The following PDE8B variants were observed in gnomAD, a reference collection of about 807,000 sequenced individuals.
PDE8B encodes the protein high affinity cAMP-specific and IBMX-insensitive 3',5'-cyclic phosphodiesterase 8B.
PDE8B carries 26 observed loss-of-function variants against 101.3 expected under a neutral mutation model. That is an observed-to-expected ratio of 0.26 (90% CI 0.19 to 0.36). The LOEUF (loss-of-function observed/expected upper bound fraction) is 0.36, where lower values mean the gene tolerates loss of function less well. Ranked by LOEUF, PDE8B falls within the 10% of genes least tolerant of loss-of-function variation. The pLI, the probability that PDE8B is intolerant of heterozygous loss-of-function variation, is 1.00. For synonymous variants in PDE8B, 424 were observed against 429.3 expected, an observed-to-expected ratio of 0.99 and a Z score of 0.15; for missense variants, 810 against 1,163.1, an observed-to-expected ratio of 0.70 and a Z score of 4.42.
chr5:77,273,819 TTTTA>T (rs1763289125), intron 1 of PDE8B, among the ~76,000 whole-genome samples: 2 of 151,946 alleles, frequency 1.3e-5, no homozygotes, highest in East Asian at 3.9e-4. Context: ...TTTATTTATT[TTTTA>T]TTTTTTATTT....
chr5:77,379,656 G>A (rs1787063082), intron 10 of PDE8B, among the ~76,000 whole-genome samples: 1 of 152,250 alleles, frequency 6.6e-6, no homozygotes, highest in African/African-American at 2.4e-5. Flanking sequence ...GGGGCCCAGA[G>A]TGTTGCAAGA....
chr5:77,387,127 C>G lies in PDE8B; in HGVS notation c.1168-13121C>G, dbSNP rs572486227. Among the ~76,000 whole-genome samples, 19 of 151,896 alleles carry G rather than the reference C, an allele frequency of 1.3e-4. No homozygotes were observed. The South Asian group carries it at 3.8e-3, about 30-fold the overall frequency. ...CTCGATCTCCTGACCTCATGATCCA[C>G]CCGCCTCGGCCGATGTAGTTTCTTT... On this transcript the variant is annotated intron_variant, in intron 10 of 21. Coordinates refer to ENST00000264917, the MANE Select transcript of PDE8B (RefSeq NM_003719.5).
the PDE8B span, among the ~76,000 whole-genome samples, chr5:77,117,912 C>CTTTTTGT: frequency 6.6e-6 from 1 of 151,558 alleles, no homozygotes; most frequent in Non-Finnish European, 1.5e-5. Flanking sequence ...GGTGGTAGTT[C>CTTTTTGT]TTTTTGTTTT....
chr5:77,134,587 TG>T, the PDE8B span: 1 of 151,864 alleles, frequency 6.6e-6, no homozygotes, highest in African/African-American at 2.4e-5. Flanking sequence ...CAGAAAGAGG[TG>T]AGGCTGCCTG....
At chr5:77,155,022 G>A in the PDE8B span, among the ~76,000 whole-genome samples, 420 of 152,254 alleles carry the variant, frequency 2.8e-3, 4 homozygotes, top group African/African-American at 9.6e-3. Context: ...GGGCATATTT[G>A]CCTCTTGTAA....
chr5:77,423,727 C>T (rs529231224), intron 20 of PDE8B, among the ~76,000 whole-genome samples: 2 of 146,314 alleles, frequency 1.4e-5, no homozygotes, highest in African/African-American at 5.0e-5. Context: ...GCAACCCTCA[C>T]CTCCCAGGCT....
At chr5:77,337,459 C>G in intron 6 of PDE8B, 144 bp downstream of exon 6, 1 of 687,722 alleles carries the variant, frequency 1.5e-6, no homozygotes, top group Non-Finnish European at 2.7e-6. Context: ...AGCTGGCCAA[C>G]AGCAGTATCT....
intron 1 of PDE8B, among the ~76,000 whole-genome samples, chr5:77,235,539 GC>G (rs1754484258): frequency 6.6e-6 from 1 of 152,164 alleles, no homozygotes; most frequent in African/African-American, 2.4e-5. Context: ...AATGTTGAGT[GC>G]CTACTGTGAC....
intron 1 of PDE8B, among the ~76,000 whole-genome samples, chr5:77,293,340 T>G (rs1283849907): frequency 6.6e-6 from 1 of 152,172 alleles, no homozygotes; most frequent in African/African-American, 2.4e-5. Context: ...CTGGAATTTA[T>G]TCCTCTATAT....
At position 77,348,740 on chromosome 5, in the gene PDE8B, C is replaced by T. The variant is rs572384702; in HGVS notation, c.877-679C>T. Among the ~76,000 whole-genome samples the T allele has an allele frequency of 1.7e-3, 258 of 152,252 alleles. 2 individuals are homozygous for T. The highest frequency in any genetic ancestry group is 6.0e-3 in the African/African-American group (248 of 41,550). On this transcript the variant is annotated intron_variant, in intron 7 of 21. Transcript: ENST00000264917. ...CTGTGTTGCCTGGGCTGGAGTGCAA[C>T]GGTGCAATCATAGCTCACTGCAGCC...
At chr5:77,161,258 T>C in the PDE8B span, among the ~76,000 whole-genome samples, 4 of 152,192 alleles carry the variant, frequency 2.6e-5, no homozygotes, top group Admixed American at 6.5e-5. Context: ...AGGTTACTTT[T>C]TTCCTATTCT....
the PDE8B span, among the ~76,000 whole-genome samples, chr5:77,131,964 T>G: frequency 6.6e-6 from 1 of 152,204 alleles, no homozygotes; most frequent in South Asian, 2.1e-4. Context: ...AGATTAAATA[T>G]ATGCAAATGT....
the PDE8B span, among the ~76,000 whole-genome samples, chr5:77,177,335 G>A: frequency 1.4e-3 from 218 of 152,308 alleles, 4 homozygotes; most frequent in East Asian, 0.017. Flanking sequence ...TGAACCCTGT[G>A]TACACTATGT....
chr5:77,223,257 A>G (rs1008013790), intron 1 of PDE8B, among the ~76,000 whole-genome samples: 4 of 151,886 alleles, frequency 2.6e-5, no homozygotes, highest in Admixed American at 2.0e-4. Flanking sequence ...ATTATACTTT[A>G]AGTTTTAGGG....
intron 2 of PDE8B, among the ~76,000 whole-genome samples, chr5:77,313,764 A>G (rs759893536): frequency 7.9e-5 from 12 of 152,202 alleles, no homozygotes; most frequent in Non-Finnish European, 1.2e-4. Context: ...AAGATTGTGG[A>G]TACTGTTTAA....
chr5:77,401,332 C>A (rs1420688235), intron 11 of PDE8B, among the ~76,000 whole-genome samples: 1 of 152,184 alleles, frequency 6.6e-6, no homozygotes, highest in Non-Finnish European at 1.5e-5. Flanking sequence ...ATTATTTTAA[C>A]TAACTTGGGA....
At chr5:77,112,447 G>A in the PDE8B span, 10 of 151,950 alleles carry the variant, frequency 6.6e-5, no homozygotes, top group African/African-American at 1.2e-4. Flanking sequence ...CCATTATCTC[G>A]TTGAAAGTCT....
At chr5:77,298,547 G>A (rs1452631765) in intron 1 of PDE8B, among the ~76,000 whole-genome samples, 1 of 152,222 alleles carries the variant, frequency 6.6e-6, no homozygotes. Flanking sequence ...CAGTGCAACT[G>A]AAGGCAGAAC....
chr5:77,396,340 G>T (rs1029821381), intron 10 of PDE8B, among the ~76,000 whole-genome samples: 4 of 152,184 alleles, frequency 2.6e-5, no homozygotes, highest in South Asian at 2.1e-4. Flanking sequence ...AGCTCAGACA[G>T]ACCCACATTT....
Sources: allele counts gnomAD v4.1 joint callset (sites outside exome capture counted in the v4.1 genomes callset), GRCh38; gene constraint gnomAD v4.1.1; transcripts MANE v1.5; gene names NCBI Gene and HGNC (gene_info 2026-07-23, HGNC 2026-07-21).